The following LIN9 variants were observed in gnomAD, a reference collection of about 807,000 sequenced individuals.
LIN9 encodes the protein protein lin-9 homolog.
LIN9 carries 18 observed loss-of-function variants against 78.0 expected under a neutral mutation model. The ratio of observed to expected loss-of-function variants is 0.23; its 90% CI spans 0.16 to 0.34. The LOEUF (loss-of-function observed/expected upper bound fraction) is 0.34. Ranked by LOEUF, LIN9 falls within the 10% of genes least tolerant of loss-of-function variation. LIN9 has a pLI of 1.00. For missense variants in LIN9, 451 were observed against 644.1 expected (o/e 0.70, Z 3.25); for synonymous variants, 192 against 215.2 (o/e 0.89, Z 0.94).
At chr1:226,271,289 A>T (rs766306517) in intron 7 of LIN9, among the ~76,000 whole-genome samples, 11 of 152,284 alleles carry the variant, frequency 7.2e-5, no homozygotes, top group Non-Finnish European at 1.6e-4. Flanking sequence ...GTCACTTTTT[A>T]CCTGCCAGAT....
intron 2 of LIN9, among the ~76,000 whole-genome samples, chr1:226,298,461 G>A (rs770721017): frequency 1.3e-5 from 2 of 152,210 alleles, no homozygotes; most frequent in Non-Finnish European, 2.9e-5. Context: ...ACCCGCCTCA[G>A]TGTCTCAAAG....
intron 10 of LIN9, among the ~76,000 whole-genome samples, chr1:226,259,781 TA>T (rs1659446978): frequency 6.6e-6 from 1 of 151,968 alleles, no homozygotes; most frequent in African/African-American, 2.4e-5. Flanking sequence ...AAGCAGTGCT[TA>T]GTGGGAAACT....
chr1:226,251,684 T>C (rs532082016), intron 10 of LIN9, among the ~76,000 whole-genome samples: 1 of 152,324 alleles, frequency 6.6e-6, no homozygotes, highest in Middle Eastern at 3.4e-3. Context: ...ATTTTATATA[T>C]CTGATTAAAC....
At chr1:226,276,128 A>G (rs931281737) in intron 7 of LIN9, among the ~76,000 whole-genome samples, 2 of 152,244 alleles carry the variant, frequency 1.3e-5, no homozygotes, top group East Asian at 1.9e-4. Flanking sequence ...CACTGTAACA[A>G]GAGTACTTAC....
At chr1:226,240,593 T>C (rs932134127) in intron 11 of LIN9, among the ~76,000 whole-genome samples, 20 of 152,158 alleles carry the variant, frequency 1.3e-4, no homozygotes, top group African/African-American at 4.8e-4. Flanking sequence ...TTCATCATGT[T>C]GGCCAGGCTG....
At chr1:226,272,134 G>A (rs1660321430) in intron 7 of LIN9, among the ~76,000 whole-genome samples, 1 of 150,032 alleles carries the variant, frequency 6.7e-6, no homozygotes, top group Non-Finnish European at 1.5e-5. Context: ...TTGGCTCGCT[G>A]CAACTTCTAC....
At position 226,265,868 on chromosome 1, in the gene LIN9, G is replaced by A. The variant is rs938336330; in HGVS notation, c.937-234C>T. Among the ~76,000 whole-genome samples, 6 of 151,518 alleles carry A rather than the reference G, an allele frequency of 4.0e-5. No individual in the cohort carries two copies. In the East Asian group the frequency reaches 5.8e-4, roughly 15 times the overall value. On this transcript the variant is annotated intron_variant, in intron 9 of 14. Coordinates refer to ENST00000681046, the MANE Select transcript of LIN9 (RefSeq NM_001366245.2). The surrounding 1 kb of genome is among the most constrained non-coding windows in gnomAD (Gnocchi z 4.1). ...TAATTTTTGTATTTTTAGCAGAGAC[G>A]GCGTTTCACCATGTTGATCAGGTTG... is the stretch of plus-strand genomic sequence containing the variant.
intron 10 of LIN9, among the ~76,000 whole-genome samples, chr1:226,259,757 G>A (rs1312133002): frequency 1.3e-5 from 2 of 151,990 alleles, no homozygotes; most frequent in Non-Finnish European, 2.9e-5. Context: ...GTCAAAATTT[G>A]TGTGATGCAG....
intron 6 of LIN9, among the ~76,000 whole-genome samples, chr1:226,279,944 C>T (rs1397787405): frequency 1.1e-4 from 16 of 152,096 alleles, no homozygotes; most frequent in Admixed American, 1.0e-3. Flanking sequence ...TGCCTGGAAT[C>T]TAGATCTCAT....
At chr1:226,266,400 T>C (rs1392424731) in intron 8 of LIN9, 68 bp from the exon 9 acceptor site, 1 of 1,346,604 alleles carries the variant, frequency 7.4e-7, no homozygotes, top group South Asian at 1.5e-5. Context: ...ATAATCATTG[T>C]ATTTCAGCTT....
chr1:226,269,873 G>C (rs1371111197), intron 7 of LIN9, among the ~76,000 whole-genome samples: 1 of 152,104 alleles, frequency 6.6e-6, no homozygotes, highest in Non-Finnish European at 1.5e-5. Context: ...GGCTTTTCCC[G>C]ATCAAGATGT....
chr1:226,235,322 CAAA>C lies in LIN9; in HGVS notation c.1246-1802_1246-1800del, dbSNP rs375690849. 7.5e-3 allele frequency among the ~76,000 whole-genome samples: 448 copies of C among 59,668 alleles called. 2 individuals carry two copies. Among genetic ancestry groups the C allele is most frequent in the Middle Eastern group, 0.033 (3 of 90 alleles). 39.1% of individuals were successfully genotyped at this position (59,668 alleles called of 152,430 possible). A position where few individuals can be genotyped will look rare whatever the true frequency, so the allele number is the denominator to read the frequency against. ...GGTGGACAAGAGCGAAAATCCGTCT[CAAA>C]AAAAAAAAAAAAAAAAAAGAGTTTC... is the stretch of plus-strand genomic sequence containing the variant. On this transcript the variant is annotated intron_variant, in intron 12 of 14. Coordinates refer to ENST00000681046, the MANE Select transcript of LIN9 (RefSeq NM_001366245.2).
chr1:226,239,433 C>A lies in LIN9; in HGVS notation c.1120-337G>T, dbSNP rs185035304. ...TTCATAGGATTGTTAGTTGTTAAAC[C>A]GTATGTCCTCATTTAAAGCATTCTA... On this transcript the variant is annotated intron_variant, in intron 11 of 14. Transcript: ENST00000681046. Among the ~76,000 whole-genome samples the A allele has an allele frequency of 1.9e-3, 294 of 152,200 alleles. 3 individuals are homozygous for A. Among genetic ancestry groups the A allele is most frequent in the African/African-American group, 6.9e-3 (285 of 41,542 alleles).
intron 4 of LIN9, among the ~76,000 whole-genome samples, chr1:226,290,827 G>A (rs1268891252): frequency 1.3e-5 from 2 of 151,938 alleles, no homozygotes; most frequent in African/African-American, 4.8e-5. Flanking sequence ...CACGATCGCG[G>A]CTCACTGCAG....
rs759424701 is a variant in LIN9 at position 226,287,806 on chromosome 1, T to TA, written c.265-10dup. The TA allele has an allele frequency of 9.7e-5, 148 of 1,523,496 alleles. No homozygotes were observed. The highest frequency in any genetic ancestry group is 1.8e-4 in the Admixed American group (7 of 39,786). The allele number at this position is 1,523,496 out of a possible 1,614,324, so 94.4% of individuals were successfully genotyped here. A position where few individuals can be genotyped will look rare whatever the true frequency, so the allele number is the denominator to read the frequency against. On this transcript the variant is annotated splice_polypyrimidine_tract_variant and intron_variant, in intron 4 of 14. Coordinates refer to ENST00000681046, the MANE Select transcript of LIN9 (RefSeq NM_001366245.2). ...ATTGTTGCTGTAAATTTCTATACAATAAAAAAAAGAGATTAATTTATGGCT... is the reference window on the plus strand; with the variant it reads ...ATTGTTGCTGTAAATTTCTATACAATAAAAAAAAAGAGATTAATTTATGGCT...
intron 6 of LIN9, among the ~76,000 whole-genome samples, chr1:226,280,217 A>G (rs932606595): frequency 1.3e-5 from 2 of 152,230 alleles, no homozygotes; most frequent in African/African-American, 4.8e-5. Flanking sequence ...TCAAAGGTAC[A>G]TTATGAGCTC....
At chr1:226,262,872 T>C (rs984231542) in intron 10 of LIN9, among the ~76,000 whole-genome samples, 2 of 152,192 alleles carry the variant, frequency 1.3e-5, no homozygotes, top group Non-Finnish European at 2.9e-5. Context: ...TTGCCAAAAT[T>C]TGAAAGCAAC....
At chr1:226,280,849 T>A (rs1473400573) in intron 6 of LIN9, among the ~76,000 whole-genome samples, 1 of 152,160 alleles carries the variant, frequency 6.6e-6, no homozygotes, top group African/African-American at 2.4e-5. Flanking sequence ...CTTCCTGGTA[T>A]ATAACCATTA....
intron 3 of LIN9, among the ~76,000 whole-genome samples, chr1:226,296,705 C>A (rs1489561616): frequency 6.6e-6 from 1 of 152,092 alleles, no homozygotes. Context: ...AACATCCACT[C>A]GGGTCTATGA....
Sources: allele counts gnomAD v4.1 joint callset (sites outside exome capture counted in the v4.1 genomes callset), GRCh38; gene constraint gnomAD v4.1.1; non-coding constraint Gnocchi (gnomAD v3.1); transcripts MANE v1.5; gene names NCBI Gene and HGNC (gene_info 2026-07-23, HGNC 2026-07-21).